Variants in EPOR observed in about 807,000 individuals in gnomAD.
EPOR encodes erythropoietin receptor.
In EPOR, 20 loss-of-function variants were observed where a neutral mutation model predicts 34.3. The observed-to-expected ratio is 0.58, with a 90% confidence interval of 0.41 to 0.85. The LOEUF (loss-of-function observed/expected upper bound fraction) is 0.85. Ranked by LOEUF, EPOR falls within the 40% of genes least tolerant of loss-of-function variation. The probability of loss-of-function intolerance (pLI) is 0.00; values close to 1 mark genes in which losing one functional copy is unlikely to be tolerated. For synonymous variants in EPOR, 312 were observed against 299.0 expected (o/e 1.04, Z -0.45); for missense variants, 601 against 672.7 (o/e 0.89, Z 1.18).
In EPOR at chr19:11,378,605, T is replaced by C. The variant is rs750747858; in HGVS notation, c.916-10A>G. 16 of 1,613,932 alleles carry C rather than the reference T, an allele frequency of 9.9e-6. No individual in the cohort carries two copies. The highest frequency in any genetic ancestry group is 1.6e-4 in the Middle Eastern group (1 of 6,084). ...TCTGGTACAGCCACAGCTGAAGAAA[T>C]AGCACCAACCTGCTCAGAGAGGCCT... On this transcript the variant is annotated splice_polypyrimidine_tract_variant and intron_variant, in intron 7 of 7. Transcript: ENST00000222139. The surrounding 1 kb of genome is among the most constrained non-coding windows in gnomAD (Gnocchi z 5.3).
chr19:11,381,815 C>A lies in EPOR; in HGVS notation c.462G>T (p.Arg154=). 1 of 1,613,968 alleles carries A rather than the reference C, an allele frequency of 6.2e-7. No homozygotes were observed. The highest frequency in any genetic ancestry group is 1.1e-5 in the South Asian group (1 of 91,082). Residue 154 remains arginine (R), a synonymous_variant, in exon 4 of 8, where the codon CGG becomes CGT. Coordinates refer to ENST00000222139, the MANE Select transcript of EPOR (RefSeq NM_000121.4). This position sits in a 1 kb window ranked among gnomAD's most constrained non-coding sequence, Gnocchi z 5.3. The part of the protein sequence containing the change: ...LLDAPVGLVA[R]LADESGHVVL... Reference sequence around the variant, plus strand: ...CTACGTGGCCGCTCTCGTCAGCCAACCGCGCCACCAGCCCCACGGGGGCGT... The same window carrying A: ...CTACGTGGCCGCTCTCGTCAGCCAAACGCGCCACCAGCCCCACGGGGGCGT...
In EPOR at chr19:11,381,296, GGAAA is replaced by G. The variant is rs1968354467; in HGVS notation, c.586-91_586-88del. The G allele has an allele frequency of 2.1e-6, 3 of 1,456,530 alleles. No individual in the cohort carries two copies. Among genetic ancestry groups the G allele is most frequent in the Non-Finnish European group, 2.8e-6 (3 of 1,066,832 alleles). The allele number at this position is 1,456,530 out of a possible 1,614,324, so 90.2% of individuals were successfully genotyped here. On this transcript the variant is annotated intron_variant, in intron 4 of 7. Transcript: ENST00000222139. This position sits in a 1 kb window ranked among gnomAD's most constrained non-coding sequence, Gnocchi z 5.3. ...CCCTGGTGGAACTGAGCCAATCAGGGGAAAGGAAAACGGTGCCCTAGAATTGCAA... is the reference window on the plus strand; with the variant it reads ...CCCTGGTGGAACTGAGCCAATCAGGGGGAAAACGGTGCCCTAGAATTGCAA...
Position 11,381,847 on chromosome 19 carries a change from G to T in EPOR, c.430C>A (p.Leu144Ile). 2 of 1,614,114 alleles carry T rather than the reference G, an allele frequency of 1.2e-6. No homozygotes were observed. Among genetic ancestry groups the T allele is most frequent in the Non-Finnish European group, 1.7e-6 (2 of 1,179,968 alleles). The change falls in exon 4 of 8, where the codon CTC becomes ATC. Residue 144 changes from leucine to isoleucine, a missense_variant and splice_region_variant. Transcript: ENST00000222139. The surrounding 1 kb of genome is among the most constrained non-coding windows in gnomAD (Gnocchi z 5.3). ...HRVIHINEVV[L>I]LDAPVGLVAR... Reference sequence around the variant, plus strand: ...ACCAGCCCCACGGGGGCGTCTAGGAGCACTGCAGGCATGGGGGTTGGTCAG... The same window carrying T: ...ACCAGCCCCACGGGGGCGTCTAGGATCACTGCAGGCATGGGGGTTGGTCAG...
rs1050817034 is a variant in EPOR, at chr19:11,383,583, T to C, written c.116-351A>G. The C allele has an allele frequency of 3.9e-6, 1 of 258,464 alleles. No individual in the cohort carries two copies. 16.0% of individuals were successfully genotyped at this position (258,464 alleles called of 1,614,324 possible). A position where few individuals can be genotyped will look rare whatever the true frequency, so the allele number is the denominator to read the frequency against. ...GGTGTGTGCGGAGAGGCGGGCCCCC[T>C]ATCGGCCCCGGCAGGCTCCCCGCCA... On this transcript the variant is annotated intron_variant, in intron 1 of 7. Coordinates refer to ENST00000222139, the MANE Select transcript of EPOR (RefSeq NM_000121.4). This position sits in a 1 kb window ranked among gnomAD's most constrained non-coding sequence, Gnocchi z 4.9.
chr19:11,382,867 T>C (rs1968381701), intron 2 of EPOR: 1 of 1,512,458 alleles, frequency 6.6e-7, no homozygotes, highest in South Asian at 1.2e-5. Flanking sequence ...GAGGCGTTGT[T>C]ATCCCAGCCT....
rs915620216 is a variant in EPOR, at chr19:11,377,268, C to G, written c.*716G>C. On this transcript the variant is annotated 3_prime_UTR_variant, in exon 8 of 8. Coordinates refer to ENST00000222139, the MANE Select transcript of EPOR (RefSeq NM_000121.4). ...AGACTAGCTAGTGGCCCTTAAACAGCTTTGCCCTTCCTGGGTGTACAGCTA... is the reference window on the plus strand; with the variant it reads ...AGACTAGCTAGTGGCCCTTAAACAGGTTTGCCCTTCCTGGGTGTACAGCTA... 6 of 453,978 alleles carry G rather than the reference C, an allele frequency of 1.3e-5. No homozygotes were observed. The highest frequency in any genetic ancestry group is 1.2e-4 in the African/African-American group (6 of 49,980). The allele number at this position is 453,978 out of a possible 1,614,324, so 28.1% of individuals were successfully genotyped here.
At chr19:11,379,411 G>A (rs1301441072) in intron 6 of EPOR, among the ~76,000 whole-genome samples, 1 of 151,944 alleles carries the variant, frequency 6.6e-6, no homozygotes, top group South Asian at 2.1e-4. Flanking sequence ...GTGGAACCCC[G>A]TCTCTACTAA....
At chr19:11,383,000 C>T in intron 2 of EPOR, 97 bp downstream of exon 2, 1 of 1,601,936 alleles carries the variant, frequency 6.2e-7, no homozygotes, top group Non-Finnish European at 8.5e-7. Flanking sequence ...CGCCGTCGGG[C>T]CTCAAACAGC....
rs111612809 is a variant in EPOR at position 11,383,967 on chromosome 19, T to C, written c.115+126A>G. 13,545 of 478,350 alleles carry C rather than the reference T, an allele frequency of 0.028. 340 individuals carry two copies. Among genetic ancestry groups the C allele is most frequent in the Admixed American group, 0.088 (3,569 of 40,670 alleles). The allele number at this position is 478,350 out of a possible 1,614,324, so 29.6% of individuals were successfully genotyped here. ...CAGTCTAAGGGTTCAGATGCCAGCT[T>C]GGCCCCCAGGACCCGGTCAGGAAGT... On this transcript the variant is annotated intron_variant, in intron 1 of 7. Transcript: ENST00000222139. The surrounding 1 kb of genome is among the most constrained non-coding windows in gnomAD (Gnocchi z 4.9).
chr19:11,381,010 C>T lies in EPOR; in HGVS notation c.740-39G>A. On this transcript the variant is annotated intron_variant, in intron 5 of 7. Coordinates refer to ENST00000222139, the MANE Select transcript of EPOR (RefSeq NM_000121.4). This position sits in a 1 kb window ranked among gnomAD's most constrained non-coding sequence, Gnocchi z 5.3. ...AGGAGGTCAGGGCGGTGGGCTTGCC[C>T]CGTGATTCGCCCTGGCTCCTCCTAC... The T allele has an allele frequency of 6.4e-7, 1 of 1,565,578 alleles. No individual in the cohort carries two copies. Among genetic ancestry groups the T allele is most frequent in the Non-Finnish European group, 8.7e-7 (1 of 1,154,596 alleles).
At position 11,381,231 on chromosome 19, in the gene EPOR, G is replaced by C; in HGVS notation, c.586-22C>G. On this transcript the variant is annotated intron_variant, in intron 4 of 7. Coordinates refer to ENST00000222139, the MANE Select transcript of EPOR (RefSeq NM_000121.4). The surrounding 1 kb of genome is among the most constrained non-coding windows in gnomAD (Gnocchi z 5.3). ...CCACCTGGGGGCGGAATCAGGGCGA[G>C]GGACGCGTAGCAGACAAAAATAGAT... is the stretch of plus-strand genomic sequence containing the variant. 2 of 1,548,696 alleles carry C rather than the reference G, an allele frequency of 1.3e-6. No individual in the cohort carries two copies. The highest frequency in any genetic ancestry group is 2.0e-5 in the Admixed American group (1 of 51,004).
intron 2 of EPOR, among the ~76,000 whole-genome samples, chr19:11,382,574 G>A (rs1220263224): frequency 6.6e-6 from 1 of 152,058 alleles, no homozygotes; most frequent in Admixed American, 6.6e-5. Context: ...TGTTGGCCAG[G>A]CTGGTCTCAA....
In EPOR at chr19:11,378,431, G is replaced by T. The variant is rs1968312605; in HGVS notation, c.1080C>A (p.Gly360=). ...DDEGPLLEPV[G]SEHAQDTYLV... Reference sequence around the variant, plus strand: ...GATAGGTATCCTGGGCATGCTCACTGCCCACTGGCTCCAGCAGGGGGCCCT... The same window carrying T: ...GATAGGTATCCTGGGCATGCTCACTTCCCACTGGCTCCAGCAGGGGGCCCT... Residue 360 remains glycine (G), a synonymous_variant, in exon 8 of 8, where the codon GGC becomes GGA. Coordinates refer to ENST00000222139, the MANE Select transcript of EPOR (RefSeq NM_000121.4). This position sits in a 1 kb window ranked among gnomAD's most constrained non-coding sequence, Gnocchi z 5.3. 1 of 1,613,962 alleles carries T rather than the reference G, an allele frequency of 6.2e-7. No individual in the cohort carries two copies. The highest frequency in any genetic ancestry group is 1.7e-5 in the Admixed American group (1 of 59,998).
rs778896780 is a variant in EPOR at position 11,382,896 on chromosome 19, C to G, written c.251+201G>C. 2.4e-5 allele frequency: 36 copies of G among 1,528,772 alleles called. No homozygotes were observed. In the South Asian group the frequency reaches 3.8e-4, roughly 16 times the overall value. The allele number at this position is 1,528,772 out of a possible 1,614,324, so 94.7% of individuals were successfully genotyped here. On this transcript the variant is annotated intron_variant, in intron 2 of 7. Transcript: ENST00000222139. ...CCAGCCTGATGTTTGGGGTCGCGTT[C>G]CAGCGGTGATCGCGGGAGTGTTCGC...
chr19:11,378,697 G>A lies in EPOR; in HGVS notation c.909C>T (p.Asn303=). Residue 303 remains asparagine (N), a synonymous_variant, in exon 7 of 8, where the codon AAC becomes AAT. Coordinates refer to ENST00000222139, the MANE Select transcript of EPOR (RefSeq NM_000121.4). The surrounding 1 kb of genome is among the most constrained non-coding windows in gnomAD (Gnocchi z 5.3). Reference sequence around the variant, plus strand: ...GGACAACCAGGCCACCTACCTGGAAGTTACCCTTGTGGGTGGTGAAGAGGC... The same window carrying A: ...GGACAACCAGGCCACCTACCTGGAAATTACCCTTGTGGGTGGTGAAGAGGC... ...FEGLFTTHKG[N]FQLWLYQNDG... 6.2e-7 allele frequency: 1 copy of A among 1,614,232 alleles called. No homozygotes were observed. The highest frequency in any genetic ancestry group is 1.7e-5 in the Admixed American group (1 of 60,022).
chr19:11,380,046 T>G lies in EPOR; in HGVS notation c.827+838A>C, dbSNP rs138981656. 3.2e-3 allele frequency among the ~76,000 whole-genome samples: 494 copies of G among 152,314 alleles called. 2 individuals carry two copies. Among genetic ancestry groups the G allele is most frequent in the African/African-American group, 0.011 (460 of 41,582 alleles). The stretch of plus-strand genomic sequence containing the variant: ...AAGCTGGCTGAACGTTCCAATCTCA[T>G]TCCCACCTCAGGGCCTTTGCACTTG... On this transcript the variant is annotated intron_variant, in intron 6 of 7. Transcript: ENST00000222139.
chr19:11,377,683 C>T lies in EPOR; in HGVS notation c.*301G>A. 1 of 564,084 alleles carries T rather than the reference C, an allele frequency of 1.8e-6. No homozygotes were observed. The highest frequency in any genetic ancestry group is 1.5e-5 in the South Asian group (1 of 65,580). 34.9% of individuals were successfully genotyped at this position (564,084 alleles called of 1,614,324 possible). A position where few individuals can be genotyped will look rare whatever the true frequency, so the allele number is the denominator to read the frequency against. ...TCCAGCTTCTGAATAAGCTCAAGAACTTTAACTTCTATCCCTATGGCCTAT... is the reference window on the plus strand; with the variant it reads ...TCCAGCTTCTGAATAAGCTCAAGAATTTTAACTTCTATCCCTATGGCCTAT... On this transcript the variant is annotated 3_prime_UTR_variant, in exon 8 of 8. Transcript: ENST00000222139.
intron 5 of EPOR, 28 bp from the exon 6 acceptor site, chr19:11,380,999 G>A (rs1291020909): frequency 4.5e-6 from 7 of 1,556,742 alleles, no homozygotes; most frequent in African/African-American, 1.4e-5. Context: ...GGTCAGGGCG[G>A]TGGGCTTGCC....
In EPOR at chr19:11,384,122, T is replaced by C; in HGVS notation, c.86A>G (p.Asn29Ser). 6.5e-7 allele frequency: 1 copy of C among 1,550,244 alleles called. No homozygotes were observed. The highest frequency in any genetic ancestry group is 8.7e-7 in the Non-Finnish European group (1 of 1,146,424). Residue 29 changes from asparagine (N) to serine (S), a missense_variant, in exon 1 of 8, where the codon AAC (asparagine) becomes AGC (serine). Coordinates refer to ENST00000222139, the MANE Select transcript of EPOR (RefSeq NM_000121.4). ...GCTCTCGAACTTGGGGTCCGGGAGG[T>C]TAGGCGGGGGCGCCCAGGCGGCCCC... ...LAGAAWAPPP[N>S]LPDPKFESKA...
Sources: gnomAD v4.1 joint callset for allele counts (sites outside exome capture counted in the v4.1 genomes callset) on GRCh38, gnomAD v4.1.1 for gene constraint, Gnocchi (gnomAD v3.1) non-coding constraint, MANE v1.5 for transcripts, NCBI Gene and HGNC (gene_info 2026-07-23, HGNC 2026-07-21) for gene names.